Variants in RAP1GDS1 observed in about 807,000 individuals in gnomAD.
RAP1GDS1 encodes the protein Rap1 GTPase-GDP dissociation stimulator 1, also known as RAP1, GTP-GDP dissociation stimulator 1.
A neutral mutation model predicts 71.1 loss-of-function variants in RAP1GDS1; 35 were observed. The ratio of observed to expected loss-of-function variants is 0.49; its 90% CI spans 0.38 to 0.65. The LOEUF (loss-of-function observed/expected upper bound fraction) is 0.65. Ranked by LOEUF, RAP1GDS1 falls within the 30% of genes least tolerant of loss-of-function variation. RAP1GDS1 has a pLI of 0.00. For synonymous variants in RAP1GDS1, 229 were observed against 243.1 expected, an observed-to-expected ratio of 0.94 and a Z score of 0.54; for missense variants, 663 against 706.1, an observed-to-expected ratio of 0.94 and a Z score of 0.69.
intron 1 of RAP1GDS1, among the ~76,000 whole-genome samples, chr4:98,274,471 G>T (rs1553958488): frequency 6.6e-6 from 1 of 152,050 alleles, no homozygotes; most frequent in Non-Finnish European, 1.5e-5. Context: ...ATGATAAATT[G>T]TTTTCCCTAT....
chr4:98,420,155 T>G lies in RAP1GDS1; in HGVS notation c.1300+11T>G. ...TAATAGATGCACAAGGTAAAAGAAA[T>G]GTTTTCCCCAACTTGCATTTTTCAT... On this transcript the variant is annotated intron_variant, in intron 11 of 14. Transcript: ENST00000408927. The G allele has an allele frequency of 6.7e-7, 1 of 1,500,564 alleles. No homozygotes were observed. Among genetic ancestry groups the G allele is most frequent in the Non-Finnish European group, 8.9e-7 (1 of 1,119,980 alleles). 93.0% of individuals were successfully genotyped at this position (1,500,564 alleles called of 1,614,324 possible).
chr4:98,394,383 C>A (rs1744205739), intron 6 of RAP1GDS1, among the ~76,000 whole-genome samples: 1 of 152,090 alleles, frequency 6.6e-6, no homozygotes, highest in Non-Finnish European at 1.5e-5. Flanking sequence ...ATAACAAGAA[C>A]TGTGGTAATG....
intron 6 of RAP1GDS1, among the ~76,000 whole-genome samples, chr4:98,395,553 A>G (rs969904338): frequency 6.6e-6 from 1 of 152,200 alleles, no homozygotes; most frequent in Admixed American, 6.5e-5. Context: ...TTTAATATTT[A>G]ATCCAGTCAT....
Position 98,442,218 on chromosome 4 carries a change from C to G in RAP1GDS1, c.*101C>G. 1 of 1,487,994 alleles carries G rather than the reference C, an allele frequency of 6.7e-7. No individual in the cohort carries two copies. The highest frequency in any genetic ancestry group is 1.3e-5 in the South Asian group (1 of 77,336). The allele number at this position is 1,487,994 out of a possible 1,614,324, so 92.2% of individuals were successfully genotyped here. The stretch of plus-strand genomic sequence containing the variant: ...TTCTCTACCATACCACTTGTGCATG[C>G]ATGTGATGTTCTAATACCAATTGAA... On this transcript the variant is annotated 3_prime_UTR_variant, in exon 15 of 15. Coordinates refer to ENST00000408927, the MANE Select transcript of RAP1GDS1 (RefSeq NM_001100427.2).
intron 2 of RAP1GDS1, among the ~76,000 whole-genome samples, chr4:98,319,831 C>T (rs1327784205): frequency 6.6e-6 from 1 of 151,224 alleles, no homozygotes; most frequent in Non-Finnish European, 1.5e-5. Context: ...TACACAGGTC[C>T]TCTTATAAGC....
chr4:98,279,101 G>A (rs915720791), intron 1 of RAP1GDS1, among the ~76,000 whole-genome samples: 1 of 152,164 alleles, frequency 6.6e-6, no homozygotes, highest in South Asian at 2.1e-4. Context: ...GTGGGCACCT[G>A]TAGTCCCAGC....
intron 6 of RAP1GDS1, among the ~76,000 whole-genome samples, chr4:98,393,009 T>C (rs957355528): frequency 1.3e-5 from 2 of 152,124 alleles, no homozygotes; most frequent in Admixed American, 6.5e-5. Context: ...CCCTTTCTTC[T>C]TCCCCACGCC....
chr4:98,278,499 A>G (rs1206160211), intron 1 of RAP1GDS1, among the ~76,000 whole-genome samples: 1 of 152,222 alleles, frequency 6.6e-6, no homozygotes, highest in African/African-American at 2.4e-5. Context: ...TCAAGAGCAC[A>G]GTTAACTACT....
rs1417123228 is a variant in RAP1GDS1, at chr4:98,422,324, T to C, written c.1440+930T>C. ...CCTCCACCTCCTGGGTTCAAGCAAT[T>C]CTCCTGCCTCAGCCTCCAGAGTAGC... On this transcript the variant is annotated intron_variant, in intron 12 of 14. Coordinates refer to ENST00000408927, the MANE Select transcript of RAP1GDS1 (RefSeq NM_001100427.2). Among the ~76,000 whole-genome samples the C allele has an allele frequency of 3.3e-5, 5 of 151,738 alleles. No individual in the cohort carries two copies. The East Asian group carries it at 9.8e-4, about 30-fold the overall frequency.
chr4:98,404,952 A>G (rs1405906973), intron 7 of RAP1GDS1, among the ~76,000 whole-genome samples: 1 of 152,210 alleles, frequency 6.6e-6, no homozygotes, highest in Non-Finnish European at 1.5e-5. Flanking sequence ...AACAGTGAAG[A>G]TACTGGTTAA....
At chr4:98,347,644 C>T (rs1037493904) in intron 3 of RAP1GDS1, among the ~76,000 whole-genome samples, 1 of 152,188 alleles carries the variant, frequency 6.6e-6, no homozygotes, top group African/African-American at 2.4e-5. Context: ...TGTCATTCTG[C>T]ATGTATCTTG....
chr4:98,338,053 A>G (rs1212018616), intron 2 of RAP1GDS1, among the ~76,000 whole-genome samples: 1 of 152,144 alleles, frequency 6.6e-6, no homozygotes, highest in East Asian at 1.9e-4. Flanking sequence ...TGAGGAGGCT[A>G]TTGCATTTAA....
intron 2 of RAP1GDS1, among the ~76,000 whole-genome samples, chr4:98,309,840 A>G (rs907230634): frequency 2.0e-5 from 3 of 151,806 alleles, no homozygotes; most frequent in African/African-American, 7.2e-5. Flanking sequence ...TCATGTTTTT[A>G]GTAAGGTAGG....
At position 98,404,461 on chromosome 4, in the gene RAP1GDS1, CT is replaced by C; in HGVS notation, c.638-10del. The C allele has an allele frequency of 6.4e-7, 1 of 1,560,498 alleles. No individual in the cohort carries two copies. The highest frequency in any genetic ancestry group is 8.6e-7 in the Non-Finnish European group (1 of 1,162,928). On this transcript the variant is annotated splice_polypyrimidine_tract_variant and intron_variant, in intron 6 of 14. Coordinates refer to ENST00000408927, the MANE Select transcript of RAP1GDS1 (RefSeq NM_001100427.2). Reference sequence around the variant, plus strand: ...TGGACTTTATTTGGTTTAAGTTTTTCTTTTTTATTTTACAGAGTCAAGTAAA... The same window carrying C: ...TGGACTTTATTTGGTTTAAGTTTTTCTTTTTATTTTACAGAGTCAAGTAAA...
intron 12 of RAP1GDS1, among the ~76,000 whole-genome samples, chr4:98,422,988 G>A (rs761318046): frequency 7.2e-5 from 11 of 152,122 alleles, no homozygotes; most frequent in Non-Finnish European, 1.3e-4. Context: ...GCTCTCTCAC[G>A]CCCATTTGTT....
At chr4:98,425,821 CAGAA>C (rs1223219713) in intron 12 of RAP1GDS1, among the ~76,000 whole-genome samples, 1 of 152,074 alleles carries the variant, frequency 6.6e-6, no homozygotes, top group Non-Finnish European at 1.5e-5. Context: ...GTTATCAAGA[CAGAA>C]AGTCAACAAA....
intron 4 of RAP1GDS1, among the ~76,000 whole-genome samples, chr4:98,367,096 A>G (rs916402094): frequency 3.3e-5 from 5 of 152,116 alleles, no homozygotes; most frequent in African/African-American, 1.2e-4. Flanking sequence ...CTAGGAAGAA[A>G]AGATGGTTTT....
rs147159994 is a variant in RAP1GDS1 at position 98,380,968 on chromosome 4, A to G, written c.508+1805A>G. Among the ~76,000 whole-genome samples the G allele has an allele frequency of 2.7e-3, 406 of 151,810 alleles. 3 individuals are homozygous for G. Among genetic ancestry groups the G allele is most frequent in the African/African-American group, 9.5e-3 (393 of 41,496 alleles). On this transcript the variant is annotated intron_variant, in intron 5 of 14. Coordinates refer to ENST00000408927, the MANE Select transcript of RAP1GDS1 (RefSeq NM_001100427.2). Reference sequence around the variant, plus strand: ...GTCTTCAAAAGCATCACTATTTCCAATCCAAAGCAGTGATTGAGTCCCATA... The same window carrying G: ...GTCTTCAAAAGCATCACTATTTCCAGTCCAAAGCAGTGATTGAGTCCCATA...
Position 98,436,956 on chromosome 4 carries a change from T to G in RAP1GDS1, c.1584T>G (p.Asp528Glu). 6.2e-7 allele frequency: 1 copy of G among 1,607,248 alleles called. No individual in the cohort carries two copies. ...TATTTGTAGGCACTGCTGAGAAAGA[T>G]CTAGAAAGTGCTAAACTTGTACAGA... ...AALELGTAEK[D>E]LESAKLVQIL... is the part of the protein sequence containing the mutation. Residue 528 changes from aspartate to glutamate, a missense_variant, in exon 14 of 15, where the codon GAT (aspartate) becomes GAG (glutamate). Coordinates refer to ENST00000408927, the MANE Select transcript of RAP1GDS1 (RefSeq NM_001100427.2).
Sources: gnomAD v4.1 joint callset for allele counts (sites outside exome capture counted in the v4.1 genomes callset) on GRCh38, gnomAD v4.1.1 for gene constraint, MANE v1.5 for transcripts, NCBI Gene and HGNC (gene_info 2026-07-23, HGNC 2026-07-21) for gene names.